The following TTLL8 variants were observed in gnomAD, a reference collection of about 807,000 sequenced individuals.
TTLL8 encodes the protein protein monoglycylase TTLL8.
In TTLL8, 65 loss-of-function variants were observed where a neutral mutation model predicts 77.8. The observed-to-expected ratio is 0.84, with a 90% CI of 0.68 to 1.03. The LOEUF (loss-of-function observed/expected upper bound fraction) is 1.03, where lower values mean the gene tolerates loss of function less well. TTLL8 is among the 50% of genes least tolerant of loss of function. The pLI is 0.00. For synonymous variants in TTLL8, 402 were observed against 422.8 expected (o/e 0.95, Z 0.60); for missense variants, 910 against 1,004.5 (o/e 0.91, Z 1.27).
intron 11 of TTLL8, among the ~76,000 whole-genome samples, chr22:50,031,137 G>T (rs930327445): frequency 6.6e-6 from 1 of 152,138 alleles, no homozygotes; most frequent in African/African-American, 2.4e-5. Flanking sequence ...AGGCTTGGGG[G>T]TCAGCCTGGG....
intron 4 of TTLL8, chr22:50,046,947 G>T: frequency 2.2e-6 from 1 of 448,406 alleles, no homozygotes; most frequent in Non-Finnish European, 3.0e-6. Flanking sequence ...AGCTTCTGGG[G>T]CCCCGGATTC....
chr22:50,042,720 G>C (rs537316845), intron 6 of TTLL8, among the ~76,000 whole-genome samples: 1 of 152,294 alleles, frequency 6.6e-6, no homozygotes, highest in South Asian at 2.1e-4. Flanking sequence ...GCTGGAGCCT[G>C]AAAGTTTGAG....
chr22:50,045,952 T>C (rs1414856265), exon 5 of TTLL8: 1 of 1,358,508 alleles, frequency 7.4e-7, no homozygotes, highest in Non-Finnish European at 9.8e-7. Context: ...AGGCTCCGCA[T>C]GTTCACGCAC....
In TTLL8 at chr22:50,030,412, GC is replaced by G. The variant is rs750062720; in HGVS notation, c.2203+17del. Reference sequence around the variant, plus strand: ...GCGGCCCCCAAGCCCACAGCGCACCGCCGGCGGCGCAGGTTACCTTTTCCTC... The same window carrying G: ...GCGGCCCCCAAGCCCACAGCGCACCGCGGCGGCGCAGGTTACCTTTTCCTC... On this transcript the variant is annotated intron_variant, in intron 12 of 13. Coordinates refer to ENST00000266182, the Ensembl canonical transcript of TTLL8. The G allele has an allele frequency of 1.5e-5, 20 of 1,302,702 alleles. No individual in the cohort carries two copies. The East Asian group carries it at 1.6e-4, about 10-fold the overall frequency. The allele number at this position is 1,302,702 out of a possible 1,614,324, so 80.7% of individuals were successfully genotyped here. A position where few individuals can be genotyped will look rare whatever the true frequency, so the allele number is the denominator to read the frequency against.
exon 5 of TTLL8, chr22:50,045,967 C>A: frequency 7.4e-7 from 1 of 1,352,808 alleles, no homozygotes; most frequent in Non-Finnish European, 9.8e-7. Flanking sequence ...ACGCACAGCC[C>A]GATCTCCAGA....
At chr22:50,040,705 A>G (rs2061365171) in intron 8 of TTLL8, among the ~76,000 whole-genome samples, 1 of 152,242 alleles carries the variant, frequency 6.6e-6, no homozygotes, top group African/African-American at 2.4e-5. Context: ...TATTTGATTA[A>G]TTCACAAGAA....
intron 12 of TTLL8, among the ~76,000 whole-genome samples, chr22:50,021,789 GACGTGCACTCCTCCATCTGACA>G (rs2061202628): frequency 7.4e-6 from 1 of 134,830 alleles, no homozygotes; most frequent in Non-Finnish European, 1.6e-5. Context: ...TCCATCTGAC[GACGTGCACTCCTCCATCTGACA>G]TGCACTCCTC....
rs1437644765 is a variant in TTLL8 at position 50,041,688 on chromosome 22, C to G, written c.763G>C (p.Asp255His). Residue 255 changes from aspartate (D) to histidine (H), a missense_variant, in exon 7 of 14, where the codon GAT becomes CAT. Coordinates refer to ENST00000266182, the Ensembl canonical transcript of TTLL8. This position sits in a 1 kb window ranked among gnomAD's most constrained non-coding sequence, Gnocchi z 4.3. ...GCCTCAGTGAGGTCCTCCACGGCAT[C>G]TGCTGACGTGTCGATGTCCTCATGC... 1.5e-6 allele frequency: 2 copies of G among 1,367,048 alleles called. No individual in the cohort carries two copies. Among genetic ancestry groups the G allele is most frequent in the African/African-American group, 3.0e-5 (2 of 67,764 alleles). The allele number at this position is 1,367,048 out of a possible 1,614,324, so 84.7% of individuals were successfully genotyped here. A position where few individuals can be genotyped will look rare whatever the true frequency, so the allele number is the denominator to read the frequency against.
At position 50,044,651 on chromosome 22, in the gene TTLL8, C is replaced by T. The variant is rs959589518; in HGVS notation, c.643+604G>A. ...GCGCCAATGTTCATCTGTCAACAGTCGAAGCGCACTGCTCTGGTGGGGGAT... is the reference window on the plus strand; with the variant it reads ...GCGCCAATGTTCATCTGTCAACAGTTGAAGCGCACTGCTCTGGTGGGGGAT... On this transcript the variant is annotated intron_variant, in intron 6 of 13. Coordinates refer to ENST00000266182, the Ensembl canonical transcript of TTLL8. This position sits in a 1 kb window ranked among gnomAD's most constrained non-coding sequence, Gnocchi z 4.2. Among the ~76,000 whole-genome samples the T allele has an allele frequency of 3.3e-5, 5 of 152,196 alleles. No homozygotes were observed. The highest frequency in any genetic ancestry group is 4.1e-4 in the South Asian group (2 of 4,826).
intron 5 of TTLL8, 69 bp from the exon 8 acceptor site, chr22:50,045,458 C>T (rs2061403454): frequency 1.5e-6 from 2 of 1,315,666 alleles, no homozygotes. Flanking sequence ...GGGGCCAGGG[C>T]CACGGAGGCT....
chr22:50,019,384 ACCCCC>A (rs2061182466), intron 12 of TTLL8, among the ~76,000 whole-genome samples: 1 of 152,168 alleles, frequency 6.6e-6, no homozygotes, highest in Non-Finnish European at 1.5e-5. Flanking sequence ...AGTGATCCTC[ACCCCC>A]AGGCAATCAC....
chr22:50,050,370 A>T (rs2061437939), intron 1 of TTLL8, 123 bp from the exon 4 acceptor site: 15 of 524,446 alleles, frequency 2.9e-5, no homozygotes, highest in East Asian at 8.1e-5. Context: ...ATCACCCAAT[A>T]TGTCCTTTTT....
chr22:50,050,637 T>C (rs2061439276), intron 1 of TTLL8, among the ~76,000 whole-genome samples: 1 of 151,972 alleles, frequency 6.6e-6, no homozygotes, highest in Non-Finnish European at 1.5e-5. Context: ...GTAAGATAAA[T>C]AGCCAGACAA....
chr22:50,035,842 C>A (rs772812559), intron 8 of TTLL8, among the ~76,000 whole-genome samples: 15 of 152,322 alleles, frequency 9.8e-5, no homozygotes, highest in Non-Finnish European at 1.6e-4. Context: ...CTCACAGCCT[C>A]CCAGGACAGC....
chr22:50,050,333 G>C, intron 1 of TTLL8, 86 bp from the exon 4 acceptor site: 1 of 1,000,222 alleles, frequency 1.0e-6, no homozygotes, highest in Non-Finnish European at 1.4e-6. Context: ...GCTTGTTAGT[G>C]CTGGTTTCTG....
At chr22:50,026,713 C>A (rs2061231709) in intron 12 of TTLL8, among the ~76,000 whole-genome samples, 1 of 152,236 alleles carries the variant, frequency 6.6e-6, no homozygotes, top group South Asian at 2.1e-4. Flanking sequence ...ATCCATCAAG[C>A]TGTGTCTACT....
In TTLL8 at chr22:50,050,099, G is replaced by C. The variant is rs201849711; in HGVS notation, c.190+10C>G. The C allele has an allele frequency of 1.5e-6, 2 of 1,365,988 alleles. No homozygotes were observed. The highest frequency in any genetic ancestry group is 1.5e-5 in the African/African-American group (1 of 67,702). 84.6% of individuals were successfully genotyped at this position (1,365,988 alleles called of 1,614,324 possible). On this transcript the variant is annotated intron_variant, in intron 2 of 13. Coordinates refer to ENST00000266182, the Ensembl canonical transcript of TTLL8. ...GCCCTGAGCTGAGACGTGCGCCTCC[G>C]ATACGCTACCATTGACCCGGGCGCC... is the stretch of plus-strand genomic sequence containing the variant.
At chr22:50,021,578 C>A (rs1336798289) in intron 12 of TTLL8, among the ~76,000 whole-genome samples, 1 of 146,840 alleles carries the variant, frequency 6.8e-6, no homozygotes, top group African/African-American at 2.6e-5. Flanking sequence ...GTGTACTCCT[C>A]CATCTGATGT....
chr22:50,036,645 G>C (rs1348037107), intron 8 of TTLL8, among the ~76,000 whole-genome samples: 1 of 150,806 alleles, frequency 6.6e-6, no homozygotes, highest in South Asian at 2.1e-4. Flanking sequence ...TGTCACCCAG[G>C]CTTGAGTGCA....
Sources: allele counts gnomAD v4.1 joint callset (sites outside exome capture counted in the v4.1 genomes callset), GRCh38; gene constraint gnomAD v4.1.1; non-coding constraint Gnocchi (gnomAD v3.1); transcripts MANE v1.5; gene names NCBI Gene and HGNC (gene_info 2026-07-23, HGNC 2026-07-21).